ADAMTS16: variants seen among roughly 807,000 people sequenced by gnomAD.
ADAMTS16 encodes the protein A disintegrin and metalloproteinase with thrombospondin motifs 16.
ADAMTS16 carries 94 observed loss-of-function variants against 145.8 expected under a neutral mutation model. The observed-to-expected ratio is 0.64, with a 90% CI of 0.55 to 0.77. The LOEUF is 0.77. ADAMTS16 is among the 30% of genes least tolerant of loss of function. The pLI is 0.00. For synonymous variants in ADAMTS16, 659 were observed against 604.3 expected (o/e 1.09, Z -1.33); for missense variants, 1,585 against 1,591.5 (o/e 1.00, Z 0.07).
chr5:5,273,522 T>C (rs1738565481), intron 18 of ADAMTS16, among the ~76,000 whole-genome samples: 1 of 152,130 alleles, frequency 6.6e-6, no homozygotes. Context: ...TCTCAATAAA[T>C]AAATAAATGT....
chr5:5,246,997 T>C (rs1185100622), intron 17 of ADAMTS16, among the ~76,000 whole-genome samples: 1 of 152,188 alleles, frequency 6.6e-6, no homozygotes, highest in African/African-American at 2.4e-5. Flanking sequence ...TCAGCTGCAG[T>C]TGGGACGCCT....
intron 3 of ADAMTS16, among the ~76,000 whole-genome samples, chr5:5,152,223 G>C (rs916380036): frequency 9.2e-5 from 14 of 152,232 alleles, no homozygotes; most frequent in African/African-American, 2.2e-4. Flanking sequence ...AAACCTCCAA[G>C]ACACCGAATT....
Position 5,147,619 on chromosome 5 carries a change from G to A in ADAMTS16, c.501+1164G>A, listed in dbSNP as rs975986318. Among the ~76,000 whole-genome samples, 6 of 152,334 alleles carry A rather than the reference G, an allele frequency of 3.9e-5. No homozygotes were observed. The South Asian group carries it at 6.2e-4, about 16-fold the overall frequency. On this transcript the variant is annotated intron_variant, in intron 3 of 22. Coordinates refer to ENST00000274181, the MANE Select transcript of ADAMTS16 (RefSeq NM_139056.4). ...TTTTTGGGTTGAGTTGCCAGGGATA[G>A]GGTGGTGGTTATTTGGCGCTCTTGT...
chr5:5,195,358 T>C (rs991461239), intron 8 of ADAMTS16, among the ~76,000 whole-genome samples: 38 of 152,228 alleles, frequency 2.5e-4, no homozygotes, highest in African/African-American at 8.9e-4. Flanking sequence ...GAATATGTCA[T>C]CTGTGCATGA....
chr5:5,187,499 C>T (rs551848959), intron 5 of ADAMTS16, among the ~76,000 whole-genome samples: 70 of 152,350 alleles, frequency 4.6e-4, no homozygotes, highest in African/African-American at 1.6e-3. Context: ...AACCCACAGC[C>T]TTGTGATCCT....
chr5:5,140,372 C>T lies in ADAMTS16; in HGVS notation c.-96C>T, dbSNP rs932075253. On this transcript the variant is annotated 5_prime_UTR_variant, in exon 1 of 23. Transcript: ENST00000274181. ...GGCGGCGGAGTCGCTGTGGGGAATCCTCCCGCGCTCTGCCTGGGTCGGGTC... is the reference window on the plus strand; with the variant it reads ...GGCGGCGGAGTCGCTGTGGGGAATCTTCCCGCGCTCTGCCTGGGTCGGGTC... 2.2e-5 allele frequency: 28 copies of T among 1,264,598 alleles called. No individual in the cohort carries two copies. The highest frequency in any genetic ancestry group is 6.8e-5 in the Admixed American group (2 of 29,318). The allele number at this position is 1,264,598 out of a possible 1,614,324, so 78.3% of individuals were successfully genotyped here.
chr5:5,310,093 T>C lies in ADAMTS16; in HGVS notation c.3411+3365T>C, dbSNP rs946760223. Among the ~76,000 whole-genome samples the C allele has an allele frequency of 3.9e-5, 6 of 152,070 alleles. No individual in the cohort carries two copies. Among genetic ancestry groups the C allele is most frequent in the Non-Finnish European group, 8.8e-5 (6 of 68,002 alleles). On this transcript the variant is annotated intron_variant, in intron 21 of 22. Coordinates refer to ENST00000274181, the MANE Select transcript of ADAMTS16 (RefSeq NM_139056.4). This position sits in a 1 kb window ranked among gnomAD's most constrained non-coding sequence, Gnocchi z 4.3. ...GTGCAGAAATTAGTGCAGGTGCCTG[T>C]TGGGCAGCCGGGGTCAAGGTGTGAA...
chr5:5,309,215 C>T (rs1048498254), intron 21 of ADAMTS16, among the ~76,000 whole-genome samples: 21 of 152,228 alleles, frequency 1.4e-4, no homozygotes, highest in African/African-American at 4.8e-4. Context: ...TACACACATC[C>T]TCCAGGTGGC....
intron 11 of ADAMTS16, among the ~76,000 whole-genome samples, chr5:5,226,780 A>G (rs1736778084): frequency 6.6e-6 from 1 of 152,146 alleles, no homozygotes; most frequent in Admixed American, 6.5e-5. Flanking sequence ...TTTAATGCCA[A>G]ATTCTAAGCT....
chr5:5,285,293 C>T (rs1199381106), intron 18 of ADAMTS16, among the ~76,000 whole-genome samples: 1 of 152,218 alleles, frequency 6.6e-6, no homozygotes, highest in Non-Finnish European at 1.5e-5. Context: ...GCTGCCTTTC[C>T]ACCTGCAGTG....
intron 17 of ADAMTS16, among the ~76,000 whole-genome samples, chr5:5,260,652 C>T (rs1737980404): frequency 6.6e-6 from 1 of 152,328 alleles, no homozygotes; most frequent in South Asian, 2.1e-4. Flanking sequence ...CCATGAGCTC[C>T]GACAGTGGCT....
At chr5:5,202,851 C>T (rs1735999723) in intron 9 of ADAMTS16, among the ~76,000 whole-genome samples, 1 of 152,088 alleles carries the variant, frequency 6.6e-6, no homozygotes. Context: ...TTGAAACTGC[C>T]AAGAAATATA....
chr5:5,140,523 C>G lies in ADAMTS16; in HGVS notation c.56C>G (p.Ala19Gly), dbSNP rs1408850459. The change falls in exon 1 of 23, where the codon GCG becomes GGG. Residue 19 changes from alanine to glycine, a missense_variant. By Grantham distance (60) the Ala-to-Gly change is moderately conservative. This residue lies in a region of ADAMTS16 where 453 missense variants were observed against 412.1 expected (regional missense o/e 1.10). Transcript: ENST00000274181. ...RGLAALWMLL[A>G]QVAEQAPACA... Reference sequence around the variant, plus strand: ...TTGGCGGCGCTGTGGATGCTGTTGGCGCAGGTGGCCGAGCAGGTGAGTCCC... The same window carrying G: ...TTGGCGGCGCTGTGGATGCTGTTGGGGCAGGTGGCCGAGCAGGTGAGTCCC... 3 of 1,513,598 alleles carry G rather than the reference C, an allele frequency of 2.0e-6. No individual in the cohort carries two copies. The highest frequency in any genetic ancestry group is 2.9e-5 in the African/African-American group (2 of 69,648). 93.8% of individuals were successfully genotyped at this position (1,513,598 alleles called of 1,614,324 possible). A position where few individuals can be genotyped will look rare whatever the true frequency, so the allele number is the denominator to read the frequency against.
intron 16 of ADAMTS16, among the ~76,000 whole-genome samples, chr5:5,241,780 T>C (rs1180399769): frequency 4.6e-5 from 7 of 152,178 alleles, no homozygotes; most frequent in Non-Finnish European, 8.8e-5. Flanking sequence ...AAATGCTTTT[T>C]CTAAGTTGCA....
chr5:5,257,152 T>C (rs946920155), intron 17 of ADAMTS16, among the ~76,000 whole-genome samples: 1 of 152,218 alleles, frequency 6.6e-6, no homozygotes, highest in African/African-American at 2.4e-5. Flanking sequence ...ATCTCAACAT[T>C]AATGCATGAG....
At chr5:5,151,816 G>A (rs753352437) in intron 3 of ADAMTS16, among the ~76,000 whole-genome samples, 1 of 151,764 alleles carries the variant, frequency 6.6e-6, no homozygotes, top group Non-Finnish European at 1.5e-5. Context: ...TCTTCCTGCT[G>A]TACATTAGGT....
chr5:5,304,432 C>T (rs558206782), intron 20 of ADAMTS16, among the ~76,000 whole-genome samples: 1 of 152,114 alleles, frequency 6.6e-6, no homozygotes, highest in Non-Finnish European at 1.5e-5. Flanking sequence ...AATCTTACAC[C>T]CCACAGAGTG....
chr5:5,297,169 T>C (rs73023534), intron 18 of ADAMTS16, among the ~76,000 whole-genome samples: 9,171 of 152,100 alleles, frequency 0.06, 484 homozygotes, highest in African/African-American at 0.15. Context: ...TCCCAGCACA[T>C]AGAGAGCAAA....
chr5:5,155,122 G>A (rs550157294), intron 3 of ADAMTS16, among the ~76,000 whole-genome samples: 1 of 152,304 alleles, frequency 6.6e-6, no homozygotes, highest in Admixed American at 6.5e-5. Context: ...AGAGCAGCCT[G>A]ATTGTATCTG....
Sources: gnomAD v4.1 joint callset for allele counts (sites outside exome capture counted in the v4.1 genomes callset) on GRCh38, gnomAD v4.1.1 for gene constraint, gnomAD v4.1.1 regional missense constraint, Gnocchi (gnomAD v3.1) non-coding constraint, MANE v1.5 for transcripts, NCBI Gene and HGNC (gene_info 2026-07-23, HGNC 2026-07-21) for gene names.